The following NEGR1 variants were observed in gnomAD, a reference collection of about 807,000 sequenced individuals.
NEGR1 encodes IgLON family member 4.
NEGR1 carries 10 observed loss-of-function variants against 40.9 expected under a neutral mutation model. That is an observed-to-expected ratio of 0.24 (90% CI 0.15 to 0.42). NEGR1 has a LOEUF of 0.42. NEGR1 is among the 10% of genes least tolerant of loss of function. The pLI is 1.00. For synonymous variants in NEGR1, 185 were observed against 166.8 expected (o/e 1.11, Z -0.84); for missense variants, 352 against 438.9 (o/e 0.80, Z 1.77).
chr1:71,785,928 A>T (rs1193039620), intron 2 of NEGR1, among the ~76,000 whole-genome samples: 3 of 152,204 alleles, frequency 2.0e-5, no homozygotes, highest in Non-Finnish European at 2.9e-5. Flanking sequence ...AATGTGTTTT[A>T]GCAGATTTTT....
At chr1:71,880,044 A>G (rs541611118) in intron 2 of NEGR1, among the ~76,000 whole-genome samples, 14 of 152,264 alleles carry the variant, frequency 9.2e-5, no homozygotes, top group African/African-American at 3.1e-4. Flanking sequence ...TTAAACTACC[A>G]AGATAGCTAA....
At chr1:71,746,746 A>G (rs1655397646) in intron 3 of NEGR1, among the ~76,000 whole-genome samples, 1 of 149,398 alleles carries the variant, frequency 6.7e-6, no homozygotes, top group Admixed American at 6.6e-5. Context: ...ACACATGTAC[A>G]CACACACACG....
At chr1:71,633,705 G>C (rs185628343) in intron 4 of NEGR1, among the ~76,000 whole-genome samples, 1 of 152,080 alleles carries the variant, frequency 6.6e-6, no homozygotes. Context: ...ACTGGTATTT[G>C]CAAGTACATG....
At chr1:71,532,954 A>G (rs1288608842) in intron 6 of NEGR1, among the ~76,000 whole-genome samples, 1 of 151,634 alleles carries the variant, frequency 6.6e-6, no homozygotes, top group East Asian at 2.0e-4. Context: ...TTGTGTATTA[A>G]TCATACATAA....
chr1:71,898,981 CATATATATATATATAT>C lies in NEGR1; in HGVS notation c.409+36082_409+36097del, dbSNP rs55674579. On this transcript the variant is annotated intron_variant, in intron 2 of 6. Transcript: ENST00000357731. ...ATATATAGCATATATATATATATAG[CATATATATATATATAT>C]ATATATATATATATATATGGCAACT... 1.8e-4 allele frequency among the ~76,000 whole-genome samples: 9 copies of C among 51,300 alleles called. 1 individual carries two copies. In the East Asian group the frequency reaches 2.3e-3, roughly 13 times the overall value. 33.7% of individuals were successfully genotyped at this position (51,300 alleles called of 152,430 possible).
intron 6 of NEGR1, among the ~76,000 whole-genome samples, chr1:71,510,805 G>A (rs527871531): frequency 7.2e-5 from 11 of 152,256 alleles, no homozygotes; most frequent in South Asian, 2.1e-4. Flanking sequence ...TCTCACTTCC[G>A]CTATACTTTG....
chr1:72,095,109 T>C lies in NEGR1; in HGVS notation c.177-159798A>G, dbSNP rs115851391. ...AACAGGAAGATGAAATATGATGATA[T>C]GCCTAATTTTTTAACCTTGGCTTCT... On this transcript the variant is annotated intron_variant, in intron 1 of 6. Coordinates refer to ENST00000357731, the MANE Select transcript of NEGR1 (RefSeq NM_173808.3). 6.2e-3 allele frequency among the ~76,000 whole-genome samples: 944 copies of C among 152,258 alleles called. 10 individuals are homozygous for C. The highest frequency in any genetic ancestry group is 0.022 in the African/African-American group (899 of 41,564).
chr1:71,817,248 C>T (rs1025305799), intron 2 of NEGR1, among the ~76,000 whole-genome samples: 5 of 152,042 alleles, frequency 3.3e-5, no homozygotes, highest in Non-Finnish European at 7.4e-5. Flanking sequence ...CTATCAGCTT[C>T]TCCAAGTTTG....
intron 1 of NEGR1, among the ~76,000 whole-genome samples, chr1:72,081,568 C>A (rs1421069732): frequency 6.6e-6 from 1 of 152,094 alleles, no homozygotes; most frequent in African/African-American, 2.4e-5. Context: ...CTATGAGCAT[C>A]ATGAGTGTAA....
intron 1 of NEGR1, among the ~76,000 whole-genome samples, chr1:72,148,967 C>G (rs1441407565): frequency 6.6e-6 from 1 of 152,168 alleles, no homozygotes; most frequent in Non-Finnish European, 1.5e-5. Flanking sequence ...GTTCCAAAGT[C>G]ACTTCCACAG....
At chr1:71,934,315 T>C (rs917261818) in intron 2 of NEGR1, among the ~76,000 whole-genome samples, 3 of 152,166 alleles carry the variant, frequency 2.0e-5, no homozygotes, top group African/African-American at 7.2e-5. Context: ...TCTTACATTT[T>C]AATATGGAAG....
chr1:71,740,976 C>T (rs527691721), intron 3 of NEGR1, among the ~76,000 whole-genome samples: 1 of 152,286 alleles, frequency 6.6e-6, no homozygotes, highest in Admixed American at 6.5e-5. Context: ...AAGCGACACC[C>T]TGCAGAGGTT....
intron 1 of NEGR1, among the ~76,000 whole-genome samples, chr1:71,947,403 G>C (rs981427334): frequency 1.3e-5 from 2 of 152,008 alleles, no homozygotes; most frequent in African/African-American, 4.8e-5. Context: ...GGAATGGAAG[G>C]TGTCCTATTT....
chr1:72,061,390 AT>A (rs1647169815), intron 1 of NEGR1, among the ~76,000 whole-genome samples: 1 of 151,724 alleles, frequency 6.6e-6, no homozygotes, highest in Non-Finnish European at 1.5e-5. Flanking sequence ...AAATAGATTT[AT>A]TTTAGATATT....
intron 4 of NEGR1, among the ~76,000 whole-genome samples, chr1:71,673,266 C>T (rs1271829434): frequency 6.6e-6 from 1 of 152,004 alleles, no homozygotes; most frequent in Non-Finnish European, 1.5e-5. Flanking sequence ...ATGTCCAGGA[C>T]ATCAGCCTAT....
At chr1:71,633,257 A>G (rs1651035651) in intron 4 of NEGR1, among the ~76,000 whole-genome samples, 1 of 152,082 alleles carries the variant, frequency 6.6e-6, no homozygotes, top group Non-Finnish European at 1.5e-5. Flanking sequence ...CCTCCTTGCC[A>G]TCAGTAGATG....
At chr1:72,146,280 C>T (rs2100345897) in intron 1 of NEGR1, among the ~76,000 whole-genome samples, 1 of 152,276 alleles carries the variant, frequency 6.6e-6, no homozygotes, top group Non-Finnish European at 1.5e-5. Context: ...CTGCCATCGT[C>T]TGTTGTTGTT....
chr1:71,613,000 A>G (rs1293661588), intron 4 of NEGR1, among the ~76,000 whole-genome samples: 1 of 152,212 alleles, frequency 6.6e-6, no homozygotes, highest in Non-Finnish European at 1.5e-5. Flanking sequence ...CTTTTATTCT[A>G]AGACAAATGG....
At chr1:72,149,988 C>G (rs187035568) in intron 1 of NEGR1, among the ~76,000 whole-genome samples, 190 of 149,176 alleles carry the variant, frequency 1.3e-3, no homozygotes, top group African/African-American at 4.6e-3. Context: ...CAGTTTATAA[C>G]TTGAATATCA....
Sources: allele counts gnomAD v4.1 joint callset (sites outside exome capture counted in the v4.1 genomes callset), GRCh38; gene constraint gnomAD v4.1.1; transcripts MANE v1.5; gene names NCBI Gene and HGNC (gene_info 2026-07-23, HGNC 2026-07-21).